WDR12: variants seen among roughly 807,000 people sequenced by gnomAD.
The protein encoded by WDR12 is ribosome biogenesis protein WDR12.
Under a neutral mutation model 64.3 loss-of-function variants are expected in WDR12, and 42 were observed. That is an observed-to-expected ratio of 0.65 (90% CI 0.51 to 0.84). WDR12 has a LOEUF of 0.84. Among genes scored for constraint, WDR12 ranks in the 40% least tolerant of loss-of-function variants. The pLI is 0.00. For missense variants in WDR12, 469 were observed against 494.6 expected, an observed-to-expected ratio of 0.95 and a Z score of 0.49; for synonymous variants, 158 against 173.3, an observed-to-expected ratio of 0.91 and a Z score of 0.70.
chr2:202,902,938 G>A (rs751562028), intron 2 of WDR12, among the ~76,000 whole-genome samples: 25 of 152,250 alleles, frequency 1.6e-4, no homozygotes, highest in Non-Finnish European at 3.2e-4. Context: ...AGCCAGCCGG[G>A]TGTGGTGGCA....
chr2:202,907,957 T>C lies in WDR12; in HGVS notation c.44A>G (p.Tyr15Cys). 6.2e-7 allele frequency: 1 copy of C among 1,613,782 alleles called. No homozygotes were observed. Among genetic ancestry groups the C allele is most frequent in the Non-Finnish European group, 8.5e-7 (1 of 1,179,708 alleles). Residue 15 changes from tyrosine to cysteine, a missense_variant and splice_region_variant, in exon 2 of 13, where the codon TAT becomes TGT. Tyr to Cys is a radical substitution (Grantham distance 194, BLOSUM62 -2). Coordinates refer to ENST00000261015, the MANE Select transcript of WDR12 (RefSeq NM_018256.4). ...TGAGAAGGGAACATCATCTACGGCA[T>C]ATCTATAAAAAGGAAATGATATGTC... ...QTRFYTDNKKYAVDDVPFSIP... is the reference protein window; with the variant it reads ...QTRFYTDNKKCAVDDVPFSIP...
At chr2:202,898,772 A>C (rs1688296608) in intron 4 of WDR12, among the ~76,000 whole-genome samples, 1 of 152,100 alleles carries the variant, frequency 6.6e-6, no homozygotes, top group South Asian at 2.1e-4. Context: ...CCTTGGTCTT[A>C]AAAGCAACAT....
intron 8 of WDR12, among the ~76,000 whole-genome samples, chr2:202,888,616 A>G (rs1367556902): frequency 6.6e-6 from 1 of 152,240 alleles, no homozygotes; most frequent in African/African-American, 2.4e-5. Flanking sequence ...CATTATTCAC[A>G]TTAACACATT....
chr2:202,911,627 T>G lies in WDR12; in HGVS notation c.-151A>C. The G allele has an allele frequency of 2.7e-6, 2 of 728,006 alleles. No homozygotes were observed. The highest frequency in any genetic ancestry group is 4.9e-6 in the Non-Finnish European group (2 of 410,848). The allele number at this position is 728,006 out of a possible 1,614,324, so 45.1% of individuals were successfully genotyped here. On this transcript the variant is annotated 5_prime_UTR_variant, in exon 1 of 13. Coordinates refer to ENST00000261015, the MANE Select transcript of WDR12 (RefSeq NM_018256.4). ...TGCAGTCTAAGCCTGGACTCTGCCT[T>G]CTGCCCTCCGGTCTCCTCTGCAGAA...
In WDR12 at chr2:202,880,948, G is replaced by C. The variant is rs372240839; in HGVS notation, c.1195-11C>G. 3.9e-5 allele frequency: 62 copies of C among 1,591,986 alleles called. No homozygotes were observed. In the African/African-American group the frequency reaches 4.8e-4, roughly 12 times the overall value. ...TCCACTCAGAAGTAGCTGTGTAAAA[G>C]GAGAGAAAAAGACAAGAAAACATAA... On this transcript the variant is annotated splice_polypyrimidine_tract_variant and intron_variant, in intron 12 of 12. Transcript: ENST00000261015.
chr2:202,899,446 G>C, intron 4 of WDR12, 85 bp downstream of exon 4: 1 of 1,155,528 alleles, frequency 8.7e-7, no homozygotes, highest in Non-Finnish European at 1.2e-6. Context: ...TTAAATCACA[G>C]AAAAATATGT....
chr2:202,888,277 A>G (rs983189373), intron 8 of WDR12, among the ~76,000 whole-genome samples: 1 of 152,232 alleles, frequency 6.6e-6, no homozygotes, highest in African/African-American at 2.4e-5. Context: ...CAGAGAACAG[A>G]GTAGTGGTTT....
intron 3 of WDR12, 57 bp downstream of exon 3, chr2:202,900,968 C>T: frequency 7.0e-7 from 1 of 1,426,182 alleles, no homozygotes; most frequent in East Asian, 2.3e-5. Flanking sequence ...AAGGAGTTTA[C>T]CTACAATAGC....
chr2:202,885,764 AAG>A (rs1468643160), intron 8 of WDR12, among the ~76,000 whole-genome samples: 1 of 152,196 alleles, frequency 6.6e-6, no homozygotes, highest in Non-Finnish European at 1.5e-5. Flanking sequence ...GAGTATATAA[AAG>A]AGAGTGGGAA....
chr2:202,897,934 A>G (rs2105909186), intron 4 of WDR12, among the ~76,000 whole-genome samples: 1 of 125,886 alleles, frequency 7.9e-6, no homozygotes, highest in East Asian at 2.2e-4. Context: ...TAAAAAATAT[A>G]TATCATATAT....
chr2:202,883,561 T>G (rs754528674), intron 11 of WDR12, 48 bp downstream of exon 11: 63 of 1,575,746 alleles, frequency 4.0e-5, no homozygotes, highest in Non-Finnish European at 5.4e-5. Context: ...TTCCTTTCTA[T>G]AACAGGTAAT....
intron 4 of WDR12, among the ~76,000 whole-genome samples, chr2:202,897,646 T>C (rs1229584009): frequency 6.8e-6 from 1 of 147,856 alleles, no homozygotes; most frequent in East Asian, 2.0e-4. Flanking sequence ...TCCCAGCACT[T>C]TGGGAGGCTG....
At chr2:202,901,201 A>C in intron 2 of WDR12, 82 bp from the exon 3 acceptor site, 1 of 948,218 alleles carries the variant, frequency 1.1e-6, no homozygotes, top group Non-Finnish European at 1.5e-6. Context: ...CCCAAAACAA[A>C]CAGGTACCTA....
At position 202,897,321 on chromosome 2, in the gene WDR12, C is replaced by T; in HGVS notation, c.433G>A (p.Asp145Asn). Residue 145 changes from aspartate (D) to asparagine (N), a missense_variant, in exon 5 of 13, where the codon GAT (aspartate) becomes AAT (asparagine). Transcript: ENST00000261015. The stretch of plus-strand genomic sequence containing the variant: ...TAACCTTTTTTCACCCAGGCCACAT[C>T]TTTTACAACATCCGTATGTCCCACA... The part of the protein sequence containing the change: ...TIVGHTDVVK[D>N]VAWVKKDSLS... 6.2e-7 allele frequency: 1 copy of T among 1,600,008 alleles called. No individual in the cohort carries two copies. Among genetic ancestry groups the T allele is most frequent in the East Asian group, 2.3e-5 (1 of 43,556 alleles).
intron 1 of WDR12, among the ~76,000 whole-genome samples, chr2:202,909,380 T>C (rs1688522826): frequency 6.6e-6 from 1 of 152,196 alleles, no homozygotes; most frequent in South Asian, 2.1e-4. Context: ...ATATATACTA[T>C]GATATAATGA....
rs920627621 is a variant in WDR12, at chr2:202,877,772, G to A, written c.*3088C>T. 2.0e-5 allele frequency: 3 copies of A among 152,218 alleles called. No individual in the cohort carries two copies. Among genetic ancestry groups the A allele is most frequent in the African/African-American group, 7.2e-5 (3 of 41,450 alleles). The allele number at this position is 152,218 out of a possible 1,614,324, so 9.4% of individuals were successfully genotyped here. On this transcript the variant is annotated 3_prime_UTR_variant, in exon 13 of 13. Coordinates refer to ENST00000261015, the MANE Select transcript of WDR12 (RefSeq NM_018256.4). ...TAACTAGTACCGGTCAGCAGGTTCT[G>A]AGCACTGCATTGTCAGGTTCCTAGC...
chr2:202,893,699 T>C (rs1165947474), intron 7 of WDR12, among the ~76,000 whole-genome samples: 3 of 152,192 alleles, frequency 2.0e-5, no homozygotes, highest in East Asian at 3.8e-4. Context: ...TAAATAGTTG[T>C]AGCTACTAGG....
chr2:202,875,966 G>GAC lies in WDR12; in HGVS notation c.*4892_*4893dup, dbSNP rs1297369417. 6.6e-6 allele frequency: 1 copy of GAC among 152,100 alleles called. No homozygotes were observed. Among genetic ancestry groups the GAC allele is most frequent in the Non-Finnish European group, 1.5e-5 (1 of 68,010 alleles). 9.4% of individuals were successfully genotyped at this position (152,100 alleles called of 1,614,324 possible). A position where few individuals can be genotyped will look rare whatever the true frequency, so the allele number is the denominator to read the frequency against. ...ATATAGTTTCATTGTTACTTTTATG[G>GAC]ACACTGTAAGAAAATAATTTACTTC... On this transcript the variant is annotated 3_prime_UTR_variant, in exon 13 of 13. Transcript: ENST00000261015.
At chr2:202,892,416 A>G (rs1336951977) in intron 8 of WDR12, among the ~76,000 whole-genome samples, 1 of 152,260 alleles carries the variant, frequency 6.6e-6, no homozygotes, top group Admixed American at 6.5e-5. Flanking sequence ...CAATGCCACT[A>G]CATTCAAAGA....
Sources: gnomAD v4.1 joint callset for allele counts (sites outside exome capture counted in the v4.1 genomes callset) on GRCh38, gnomAD v4.1.1 for gene constraint, MANE v1.5 for transcripts, NCBI Gene and HGNC (gene_info 2026-07-23, HGNC 2026-07-21) for gene names.